CPEB1: variants seen among roughly 807,000 people sequenced by gnomAD.
CPEB1 encodes the protein cytoplasmic polyadenylation element-binding protein 1.
Under a neutral mutation model 65.8 loss-of-function variants are expected in CPEB1, and 7 were observed. The observed-to-expected ratio is 0.11, with a 90% CI of 0.06 to 0.20. CPEB1 has a LOEUF of 0.20. CPEB1 is among the 10% of genes least tolerant of loss of function. The pLI, the probability that CPEB1 is intolerant of heterozygous loss-of-function variation, is 1.00. For synonymous variants in CPEB1, 262 were observed against 260.0 expected, an observed-to-expected ratio of 1.01 and a Z score of -0.08; for missense variants, 551 against 712.2, an observed-to-expected ratio of 0.77 and a Z score of 2.58.
At chr15:82,579,897 C>T (rs1176031304) in intron 3 of CPEB1, among the ~76,000 whole-genome samples, 2 of 107,348 alleles carry the variant, frequency 1.9e-5, no homozygotes, top group Admixed American at 1.5e-4. Flanking sequence ...CCGGCCTGGG[C>T]GACAGAGTGA....
chr15:82,603,300 G>C (rs1268292098), intron 3 of CPEB1, among the ~76,000 whole-genome samples: 1 of 151,730 alleles, frequency 6.6e-6, no homozygotes, highest in Non-Finnish European at 1.5e-5. Context: ...GGTTGTATTT[G>C]ACCTACCTCC....
At chr15:82,587,382 C>G (rs1283401291) in intron 3 of CPEB1, among the ~76,000 whole-genome samples, 11 of 152,176 alleles carry the variant, frequency 7.2e-5, no homozygotes, top group Admixed American at 5.9e-4. Flanking sequence ...ACAAAGATGC[C>G]TGTCACAATG....
At chr15:82,602,851 TAAATAAATAA>T (rs750279234) in intron 3 of CPEB1, among the ~76,000 whole-genome samples, 58 of 152,004 alleles carry the variant, frequency 3.8e-4, no homozygotes, top group Non-Finnish European at 6.6e-4. Flanking sequence ...TCTCAAAAAC[TAAATAAATAA>T]AAATAAATAA....
chr15:82,645,206 T>C (rs2047406370), intron 1 of CPEB1, among the ~76,000 whole-genome samples: 1 of 152,154 alleles, frequency 6.6e-6, no homozygotes. Context: ...CAGGCTGGAG[T>C]GCAGTGGCTG....
At chr15:82,599,175 C>G (rs984940972) in intron 3 of CPEB1, among the ~76,000 whole-genome samples, 2 of 152,070 alleles carry the variant, frequency 1.3e-5, no homozygotes, top group South Asian at 4.1e-4. Flanking sequence ...AAGCAGTTCT[C>G]TTAAAATATT....
chr15:82,582,899 C>T (rs947419587), intron 3 of CPEB1, among the ~76,000 whole-genome samples: 7 of 151,768 alleles, frequency 4.6e-5, no homozygotes, highest in Non-Finnish European at 7.4e-5. Context: ...CTGGCCACCA[C>T]GACAGCTAAT....
At chr15:82,609,961 G>A (rs1259823882) in intron 3 of CPEB1, among the ~76,000 whole-genome samples, 1 of 151,632 alleles carries the variant, frequency 6.6e-6, no homozygotes, top group African/African-American at 2.4e-5. Flanking sequence ...TTGGGAGGCT[G>A]AGGCGGGAGA....
chr15:82,549,279 G>A (rs917351429), intron 10 of CPEB1, among the ~76,000 whole-genome samples, 181 bp downstream of exon 10: 1 of 152,156 alleles, frequency 6.6e-6, no homozygotes, highest in Admixed American at 6.5e-5. Flanking sequence ...GGTGGGTAGA[G>A]GGCTAGATAC....
intron 5 of CPEB1, among the ~76,000 whole-genome samples, chr15:82,557,272 C>A (rs1006047500): frequency 6.6e-6 from 1 of 152,094 alleles, no homozygotes; most frequent in African/African-American, 2.4e-5. Flanking sequence ...AAAGCTGACA[C>A]GGGTCAGTGG....
chr15:82,637,693 A>G (rs969436807), intron 1 of CPEB1, among the ~76,000 whole-genome samples: 1 of 152,178 alleles, frequency 6.6e-6, no homozygotes, highest in African/African-American at 2.4e-5. Context: ...GAGCCTTTTA[A>G]GACGTCTTCA....
chr15:82,568,578 A>C (rs2039523859), intron 4 of CPEB1, among the ~76,000 whole-genome samples: 1 of 152,204 alleles, frequency 6.6e-6, no homozygotes, highest in Non-Finnish European at 1.5e-5. Context: ...GTCTTCTTGC[A>C]GGACTCTGAG....
chr15:82,604,913 G>A (rs954230584), intron 3 of CPEB1, among the ~76,000 whole-genome samples: 1 of 149,102 alleles, frequency 6.7e-6, no homozygotes, highest in Non-Finnish European at 1.5e-5. Context: ...TGAACTGCAA[G>A]TAGGATAAGC....
chr15:82,599,945 A>C (rs2042964378), intron 3 of CPEB1, among the ~76,000 whole-genome samples: 1 of 152,168 alleles, frequency 6.6e-6, no homozygotes, highest in Non-Finnish European at 1.5e-5. Context: ...AAAGACACAA[A>C]AGATAGAATG....
intron 3 of CPEB1, among the ~76,000 whole-genome samples, chr15:82,615,957 C>T (rs1432692384): frequency 6.6e-6 from 1 of 151,694 alleles, no homozygotes; most frequent in East Asian, 1.9e-4. Context: ...AAAATATACA[C>T]CTAAACATTT....
chr15:82,647,933 C>T (rs1206870446), upstream of CPEB1: 77 of 1,206,898 alleles, frequency 6.4e-5, no homozygotes, highest in Non-Finnish European at 7.6e-5. Flanking sequence ...GAGAGACGCG[C>T]ACGCACGTGG....
intron 3 of CPEB1, among the ~76,000 whole-genome samples, chr15:82,605,755 G>C (rs1473888308): frequency 6.6e-6 from 1 of 152,126 alleles, no homozygotes; most frequent in Non-Finnish European, 1.5e-5. Context: ...ACACCTATTT[G>C]TGGCCGGGCA....
chr15:82,622,718 T>C (rs2045415429), intron 3 of CPEB1, among the ~76,000 whole-genome samples: 2 of 152,196 alleles, frequency 1.3e-5, no homozygotes, highest in South Asian at 4.1e-4. Flanking sequence ...CATTAATTTC[T>C]ATTCAGTCAG....
intron 3 of CPEB1, among the ~76,000 whole-genome samples, chr15:82,599,511 A>C (rs1281141413): frequency 6.6e-6 from 1 of 152,176 alleles, no homozygotes; most frequent in Non-Finnish European, 1.5e-5. Flanking sequence ...CTACTAGTCC[A>C]AATTCTTTAA....
At chr15:82,626,711 T>G (rs1302995703) in intron 3 of CPEB1, among the ~76,000 whole-genome samples, 1 of 152,186 alleles carries the variant, frequency 6.6e-6, no homozygotes, top group Non-Finnish European at 1.5e-5. Context: ...CAGTAGCCAC[T>G]AAACACCTGA....
Sources: allele counts gnomAD v4.1 joint callset (sites outside exome capture counted in the v4.1 genomes callset), GRCh38; gene constraint gnomAD v4.1.1; transcripts MANE v1.5; gene names NCBI Gene and HGNC (gene_info 2026-07-23, HGNC 2026-07-21).